Variants in MAPKAP1 observed in about 807,000 individuals in gnomAD.
The protein encoded by MAPKAP1 is MAPK associated protein 1, also known as target of rapamycin complex 2 subunit MAPKAP1.
Under a neutral mutation model 65.7 loss-of-function variants are expected in MAPKAP1, and 20 were observed. That is an observed-to-expected ratio of 0.30 (90% confidence interval 0.21 to 0.44). The LOEUF (loss-of-function observed/expected upper bound fraction) is 0.44, where lower values mean the gene tolerates loss of function less well. MAPKAP1 is among the 20% of genes least tolerant of loss of function. MAPKAP1 has a pLI of 1.00. For synonymous variants in MAPKAP1, 222 were observed against 244.3 expected, an observed-to-expected ratio of 0.91 and a Z score of 0.85; for missense variants, 423 against 648.0, an observed-to-expected ratio of 0.65 and a Z score of 3.77.
At chr9:125,690,489 T>G (rs955662569) in intron 1 of MAPKAP1, among the ~76,000 whole-genome samples, 1 of 152,196 alleles carries the variant, frequency 6.6e-6, no homozygotes, top group South Asian at 2.1e-4. Flanking sequence ...GGTGGGACCT[T>G]GAGAAAGTAA....
intron 9 of MAPKAP1, among the ~76,000 whole-genome samples, chr9:125,475,590 G>A (rs1185885787): frequency 1.3e-5 from 2 of 152,192 alleles, no homozygotes; most frequent in Non-Finnish European, 2.9e-5. Context: ...GGACACGAAC[G>A]AACGCAGAGC....
At chr9:125,657,895 G>A (rs914136315) in intron 3 of MAPKAP1, 96 bp from the exon 4 acceptor site, 2 of 1,184,528 alleles carry the variant, frequency 1.7e-6, no homozygotes, top group Non-Finnish European at 2.4e-6. Context: ...TAAGGAAGGA[G>A]CATCCAGAGA....
intron 4 of MAPKAP1, among the ~76,000 whole-genome samples, chr9:125,655,998 A>G (rs947279174): frequency 3.9e-5 from 6 of 152,234 alleles, no homozygotes; most frequent in African/African-American, 1.2e-4. Flanking sequence ...CCTTGTGACA[A>G]ATCTGAACCT....
At chr9:125,491,107 T>C (rs1854699861) in intron 8 of MAPKAP1, among the ~76,000 whole-genome samples, 1 of 142,624 alleles carries the variant, frequency 7.0e-6, no homozygotes, top group Non-Finnish European at 1.5e-5. Context: ...ACCACTGCAC[T>C]CCAGCCTGGG....
At chr9:125,703,578 C>T (rs376964883) in intron 1 of MAPKAP1, among the ~76,000 whole-genome samples, 2 of 152,124 alleles carry the variant, frequency 1.3e-5, no homozygotes, top group African/African-American at 4.8e-5. Flanking sequence ...TTGAGACCAG[C>T]CTGGCCAACA....
At chr9:125,694,016 A>G in intron 1 of MAPKAP1, among the ~76,000 whole-genome samples, 1 of 151,826 alleles carries the variant, frequency 6.6e-6, no homozygotes, top group Admixed American at 6.6e-5. Context: ...ATTTGTATTA[A>G]AATTTTTTTT....
rs1353011010 is a variant in MAPKAP1, at chr9:125,458,982, G to A, written c.1345+8990C>T. Among the ~76,000 whole-genome samples, 208 of 106,208 alleles carry A rather than the reference G, an allele frequency of 2.0e-3. 2 individuals carry two copies. Among genetic ancestry groups the A allele is most frequent in the African/African-American group, 7.6e-3 (197 of 25,774 alleles). The allele number at this position is 106,208 out of a possible 152,430, so 69.7% of individuals were successfully genotyped here. Reference sequence around the variant, plus strand: ...AGACGCTCCTCACTTCCCAGACGGGGTGGCTGCCGGGCGGAGGGGCTCCTC... The same window carrying A: ...AGACGCTCCTCACTTCCCAGACGGGATGGCTGCCGGGCGGAGGGGCTCCTC... On this transcript the variant is annotated intron_variant, in intron 10 of 11. Coordinates refer to ENST00000265960, the MANE Select transcript of MAPKAP1 (RefSeq NM_001006617.3).
intron 10 of MAPKAP1, among the ~76,000 whole-genome samples, chr9:125,454,030 CT>C (rs1853063813): frequency 6.6e-6 from 1 of 152,192 alleles, no homozygotes; most frequent in African/African-American, 2.4e-5. Context: ...GTCAGTTGTT[CT>C]TTCAAGTTAT....
In MAPKAP1 at chr9:125,597,122, G is replaced by A. The variant is rs572539635; in HGVS notation, c.499-11395C>T. ...CTAAAACAAATACAAAAAATTAGCC[G>A]GGCGTGGTGGTGGGCGCCTGTAGTC... On this transcript the variant is annotated intron_variant, in intron 4 of 11. Transcript: ENST00000265960. Among the ~76,000 whole-genome samples the A allele has an allele frequency of 5.3e-5, 8 of 151,884 alleles. No homozygotes were observed. In the South Asian group the frequency reaches 6.3e-4, roughly 12 times the overall value.
intron 9 of MAPKAP1, among the ~76,000 whole-genome samples, chr9:125,470,716 C>T (rs79279990): frequency 0.018 from 2,718 of 152,242 alleles, 84 homozygotes; most frequent in African/African-American, 0.063. Flanking sequence ...ACCCCAAGAC[C>T]GGGGCTTGGG....
At chr9:125,670,051 T>C (rs957356344) in intron 2 of MAPKAP1, 144 bp from the exon 3 acceptor site, 1 of 489,978 alleles carries the variant, frequency 2.0e-6, no homozygotes, top group Admixed American at 3.9e-5. Context: ...GTGGCACCCC[T>C]GAAAAGCAAA....
intron 7 of MAPKAP1, among the ~76,000 whole-genome samples, chr9:125,523,764 G>A (rs1212983722): frequency 1.3e-5 from 2 of 152,310 alleles, no homozygotes; most frequent in East Asian, 3.9e-4. Context: ...CCCTGGATAA[G>A]CTGTGGCTCT....
At chr9:125,464,208 A>ATTT (rs1564520087) in intron 10 of MAPKAP1, among the ~76,000 whole-genome samples, 3 of 143,170 alleles carry the variant, frequency 2.1e-5, no homozygotes, top group Non-Finnish European at 4.5e-5. Context: ...ATATATTAAA[A>ATTT]AAAAAAAAAA....
rs187014138 is a variant in MAPKAP1 at position 125,652,822 on chromosome 9, C to A, written c.498+4829G>T. ...TTGTCTCAATCTTCCTAGTGAAGGA[C>A]CAAAACCCCACTGGACTCCCTGAAC... is the stretch of plus-strand genomic sequence containing the variant. On this transcript the variant is annotated intron_variant, in intron 4 of 11. Coordinates refer to ENST00000265960, the MANE Select transcript of MAPKAP1 (RefSeq NM_001006617.3). Among the ~76,000 whole-genome samples the A allele has an allele frequency of 1.2e-4, 18 of 152,296 alleles. No homozygotes were observed. In the East Asian group the frequency reaches 3.5e-3, roughly 29 times the overall value.
intron 8 of MAPKAP1, among the ~76,000 whole-genome samples, chr9:125,487,705 A>G (rs1346465972): frequency 4.0e-5 from 6 of 151,560 alleles, no homozygotes; most frequent in Non-Finnish European, 2.9e-5. Context: ...AACGTGACAT[A>G]TAATTTTTTA....
intron 9 of MAPKAP1, among the ~76,000 whole-genome samples, chr9:125,469,351 TCCC>T (rs1306173543): frequency 6.6e-6 from 1 of 150,748 alleles, no homozygotes; most frequent in East Asian, 1.9e-4. Context: ...TCAATTAACC[TCCC>T]CCCAAAATAA....
chr9:125,680,577 A>G (rs930836915), intron 1 of MAPKAP1, among the ~76,000 whole-genome samples: 4 of 152,186 alleles, frequency 2.6e-5, no homozygotes, highest in South Asian at 2.1e-4. Context: ...GTGAGACCAT[A>G]TATCTGGAGA....
rs1554805633 is a variant in MAPKAP1 at position 125,464,204 on chromosome 9, T to TTTAA, written c.1345+3767_1345+3768insTTAA. Among the ~76,000 whole-genome samples the TTTAA allele has an allele frequency of 1.7e-4, 14 of 83,298 alleles. 2 individuals carry two copies. Among genetic ancestry groups the TTTAA allele is most frequent in the Non-Finnish European group, 2.5e-4 (11 of 43,252 alleles). 54.6% of individuals were successfully genotyped at this position (83,298 alleles called of 152,430 possible). A position where few individuals can be genotyped will look rare whatever the true frequency, so the allele number is the denominator to read the frequency against. ...CACAGTGAGACCCTGTCTCATATATTAAAAAAAAAAAAAAAAAAAAAAAAA... is the reference window on the plus strand; with the variant it reads ...CACAGTGAGACCCTGTCTCATATATTTTAAAAAAAAAAAAAAAAAAAAAAAAAAA... On this transcript the variant is annotated intron_variant, in intron 10 of 11. Coordinates refer to ENST00000265960, the MANE Select transcript of MAPKAP1 (RefSeq NM_001006617.3).
intron 4 of MAPKAP1, among the ~76,000 whole-genome samples, chr9:125,645,598 G>A (rs966342857): frequency 1.3e-5 from 2 of 152,014 alleles, no homozygotes; most frequent in Non-Finnish European, 2.9e-5. Context: ...TTAGCCAGGC[G>A]TGGTGGCAGG....
Sources: allele counts gnomAD v4.1 joint callset (sites outside exome capture counted in the v4.1 genomes callset), GRCh38; gene constraint gnomAD v4.1.1; transcripts MANE v1.5; gene names NCBI Gene and HGNC (gene_info 2026-07-23, HGNC 2026-07-21).